Variants in TMPRSS15 observed in about 807,000 individuals in gnomAD.
TMPRSS15 encodes enteropeptidase.
A neutral mutation model predicts 125.3 loss-of-function variants in TMPRSS15; 128 were observed. That is an observed-to-expected ratio of 1.02 (90% CI 0.89 to 1.18). The LOEUF is 1.18. TMPRSS15 is among the 50% of genes most tolerant of loss of function. The pLI, the probability that TMPRSS15 is intolerant of heterozygous loss-of-function variation, is 0.00. For synonymous variants in TMPRSS15, 446 were observed against 423.2 expected, an observed-to-expected ratio of 1.05 and a Z score of -0.66; for missense variants, 1,283 against 1,212.7, an observed-to-expected ratio of 1.06 and a Z score of -0.86.
At chr21:18,427,389 G>A (rs1395422634) in intron 1 of TMPRSS15, among the ~76,000 whole-genome samples, 2 of 152,010 alleles carry the variant, frequency 1.3e-5, no homozygotes. Context: ...TACATTTAAG[G>A]GAATAAAAGT....
intron 14 of TMPRSS15, among the ~76,000 whole-genome samples, chr21:18,330,352 G>A (rs2075332563): frequency 6.6e-6 from 1 of 151,998 alleles, no homozygotes; most frequent in Admixed American, 6.5e-5. Context: ...CGTTTTTATC[G>A]CCATTTTCCT....
chr21:18,300,246 TTTTC>T (rs1278816281), intron 18 of TMPRSS15, among the ~76,000 whole-genome samples: 1 of 151,878 alleles, frequency 6.6e-6, no homozygotes, highest in African/African-American at 2.4e-5. Context: ...CTTTCTTTGT[TTTTC>T]TTCTTTCTCT....
chr21:18,286,038 T>C (rs1601273826), intron 21 of TMPRSS15, among the ~76,000 whole-genome samples: 2 of 152,332 alleles, frequency 1.3e-5, no homozygotes, highest in East Asian at 1.9e-4. Flanking sequence ...AAACCAGAAA[T>C]AGGCCAAACA....
At chr21:18,468,808 T>C (rs1601473785) in intron 1 of TMPRSS15, among the ~76,000 whole-genome samples, 1 of 152,270 alleles carries the variant, frequency 6.6e-6, no homozygotes, top group South Asian at 2.1e-4. Flanking sequence ...CCCTCTATCA[T>C]ACCTCCAGGT....
At chr21:18,418,272 G>A (rs780526475) in intron 1 of TMPRSS15, among the ~76,000 whole-genome samples, 1 of 152,198 alleles carries the variant, frequency 6.6e-6, no homozygotes. Context: ...GATTAGAGGT[G>A]AGAGAGTTAA....
intron 24 of TMPRSS15, among the ~76,000 whole-genome samples, chr21:18,271,555 A>C (rs115386506): frequency 0.01 from 1,578 of 151,348 alleles, 31 homozygotes; most frequent in African/African-American, 0.036. Context: ...ATAACACATC[A>C]GTTTAGTTAT....
chr21:18,297,797 G>A lies in TMPRSS15; in HGVS notation c.2198C>T (p.Thr733Ile), dbSNP rs1224245945. The stretch of plus-strand genomic sequence containing the variant: ...TAATTTGACAAATGGTCCACCATCG[G>A]TAGGGAAGATTGGCTTTGATGAGTT... Reference protein sequence around the residue: ...SGNSSKPIFPTDGGPFVKLNT... With the variant: ...SGNSSKPIFPIDGGPFVKLNT... Residue 733 changes from threonine (T) to isoleucine (I), a missense_variant, in exon 19 of 25, where the codon ACC becomes ATC. Physicochemically the swap from Thr to Ile is moderately conservative, Grantham distance 89. Transcript: ENST00000284885. 6.2e-7 allele frequency: 1 copy of A among 1,613,606 alleles called. No individual in the cohort carries two copies. Among genetic ancestry groups the A allele is most frequent in the Non-Finnish European group, 8.5e-7 (1 of 1,179,676 alleles).
At chr21:18,468,131 G>A (rs1485098777) in intron 1 of TMPRSS15, among the ~76,000 whole-genome samples, 1 of 152,044 alleles carries the variant, frequency 6.6e-6, no homozygotes, top group Non-Finnish European at 1.5e-5. Context: ...CAACTTTTGA[G>A]GTCTTATGTT....
chr21:18,312,510 A>T (rs1601317143), intron 18 of TMPRSS15, among the ~76,000 whole-genome samples: 1 of 151,250 alleles, frequency 6.6e-6, no homozygotes, highest in African/African-American at 2.4e-5. Flanking sequence ...CTCCCACTAC[A>T]ATTGTACTTC....
rs59103494 is a variant in TMPRSS15, at chr21:18,305,183, C to CTTTTTTTT, written c.2166-7362_2166-7355dup. ...GGATTCCAGGATTTGAATTTCCGTACTTTTTTTTTTTTTTTTTTTTTTTGA... is the reference window on the plus strand; with the variant it reads ...GGATTCCAGGATTTGAATTTCCGTACTTTTTTTTTTTTTTTTTTTTTTTTTTTTTTTGA... On this transcript the variant is annotated intron_variant, in intron 18 of 24. Transcript: ENST00000284885. Among the ~76,000 whole-genome samples the CTTTTTTTT allele has an allele frequency of 1.7e-3, 142 of 86,042 alleles. 4 individuals carry two copies. Among genetic ancestry groups the CTTTTTTTT allele is most frequent in the African/African-American group, 1.8e-3 (40 of 22,582 alleles). 56.4% of individuals were successfully genotyped at this position (86,042 alleles called of 152,430 possible).
At chr21:18,446,733 A>G (rs1265359373) in intron 1 of TMPRSS15, among the ~76,000 whole-genome samples, 5 of 152,192 alleles carry the variant, frequency 3.3e-5, no homozygotes, top group African/African-American at 4.8e-5. Flanking sequence ...AAAGCTGAAT[A>G]TCCACATGTC....
intron 1 of TMPRSS15, among the ~76,000 whole-genome samples, chr21:18,444,379 A>G (rs922714361): frequency 6.6e-6 from 1 of 152,236 alleles, no homozygotes; most frequent in Non-Finnish European, 1.5e-5. Flanking sequence ...AAACTGTCAC[A>G]AGGACAGAAA....
intron 8 of TMPRSS15, among the ~76,000 whole-genome samples, chr21:18,357,767 A>C (rs1284799338): frequency 6.6e-6 from 1 of 151,802 alleles, no homozygotes; most frequent in Non-Finnish European, 1.5e-5. Context: ...TATGATAGAA[A>C]TATATCCCAG....
At chr21:18,331,453 A>G (rs2075344694) in intron 14 of TMPRSS15, among the ~76,000 whole-genome samples, 1 of 152,230 alleles carries the variant, frequency 6.6e-6, no homozygotes, top group Non-Finnish European at 1.5e-5. Context: ...ATGTATCTTT[A>G]TATGAGTTTA....
chr21:18,445,725 A>G (rs1186166232), intron 1 of TMPRSS15, among the ~76,000 whole-genome samples: 1 of 152,232 alleles, frequency 6.6e-6, no homozygotes, highest in Non-Finnish European at 1.5e-5. Flanking sequence ...TCATTTTATT[A>G]GATGCTAAAA....
intron 3 of TMPRSS15, among the ~76,000 whole-genome samples, chr21:18,384,805 A>T (rs950015154): frequency 1.3e-5 from 2 of 152,156 alleles, no homozygotes; most frequent in Non-Finnish European, 2.9e-5. Flanking sequence ...TATTCTTGTG[A>T]TATATGTAAG....
intron 6 of TMPRSS15, among the ~76,000 whole-genome samples, chr21:18,367,109 C>T (rs1430661676): frequency 2.6e-5 from 4 of 151,500 alleles, no homozygotes; most frequent in Non-Finnish European, 5.9e-5. Flanking sequence ...AAACAATGGC[C>T]TAGGAATTAA....
intron 13 of TMPRSS15, among the ~76,000 whole-genome samples, chr21:18,340,266 T>C (rs2075433659): frequency 6.6e-6 from 1 of 152,140 alleles, no homozygotes; most frequent in East Asian, 1.9e-4. Flanking sequence ...ACTGGCTGAA[T>C]TTTCTGGCCT....
chr21:18,296,243 C>G (rs546927030), intron 19 of TMPRSS15, among the ~76,000 whole-genome samples: 3 of 152,306 alleles, frequency 2.0e-5, no homozygotes, highest in Non-Finnish European at 4.4e-5. Context: ...CTTCTTTTAC[C>G]TATTTTTTAT....
Sources: allele counts gnomAD v4.1 joint callset (sites outside exome capture counted in the v4.1 genomes callset), GRCh38; gene constraint gnomAD v4.1.1; transcripts MANE v1.5; gene names NCBI Gene and HGNC (gene_info 2026-07-23, HGNC 2026-07-21).